The following BRD7 variants were observed in gnomAD, a reference collection of about 807,000 sequenced individuals.
The protein encoded by BRD7 is bromodomain containing 7, also known as bromodomain-containing protein 7.
In BRD7, 15 loss-of-function variants were observed where a neutral mutation model predicts 82.1. The ratio of observed to expected loss-of-function variants is 0.18; its 90% CI spans 0.12 to 0.28. The LOEUF (loss-of-function observed/expected upper bound fraction) is 0.28, where lower values mean the gene tolerates loss of function less well. BRD7 is among the 10% of genes least tolerant of loss of function. The pLI is 1.00. For synonymous variants in BRD7, 232 were observed against 266.9 expected (o/e 0.87, Z 1.27); for missense variants, 638 against 779.9 (o/e 0.82, Z 2.17).
At chr16:50,339,837 A>T in intron 6 of BRD7, 139 bp downstream of exon 6, 1 of 422,982 alleles carries the variant, frequency 2.4e-6, no homozygotes, top group Non-Finnish European at 4.1e-6. Flanking sequence ...TTTTTCATTT[A>T]GTATTTTCTA....
In BRD7 at chr16:50,333,546, G is replaced by GAGAAA. The variant is rs776960536; in HGVS notation, c.1011+23_1011+27dup. ...TTCAGATGCCCCAAATCAGTAGGTAGAGAAAAGAAAAGGCAAAGCTCAATC... is the reference window on the plus strand; with the variant it reads ...TTCAGATGCCCCAAATCAGTAGGTAGAGAAAAGAAAAGAAAAGGCAAAGCTCAATC... On this transcript the variant is annotated intron_variant, in intron 8 of 16. Transcript: ENST00000394688. The GAGAAA allele has an allele frequency of 2.1e-5, 34 of 1,601,238 alleles. No individual in the cohort carries two copies. The Admixed American group carries it at 6.0e-4, about 28-fold the overall frequency.
chr16:50,334,065 G>T (rs528021815), intron 7 of BRD7, among the ~76,000 whole-genome samples: 40 of 152,200 alleles, frequency 2.6e-4, no homozygotes, highest in Non-Finnish European at 5.6e-4. Flanking sequence ...GTAAATCTTA[G>T]AACAAAGAAA....
chr16:50,341,177 TACACACACACACACAC>T (rs57755008), intron 5 of BRD7, among the ~76,000 whole-genome samples: 59 of 137,302 alleles, frequency 4.3e-4, no homozygotes, highest in South Asian at 4.0e-3. Context: ...AGACCTTAAG[TACACACACACACACAC>T]ACACACACAC....
chr16:50,354,333 CG>C lies in BRD7; in HGVS notation c.446+91del, dbSNP rs2038650935. Reference sequence around the variant, plus strand: ...ATATTTATCATTCACTTTAAAATCACGTATGTTTGGAGTTAGGCACAAATGT... The same window carrying C: ...ATATTTATCATTCACTTTAAAATCACTATGTTTGGAGTTAGGCACAAATGT... On this transcript the variant is annotated intron_variant, in intron 4 of 16. Transcript: ENST00000394688. 2.8e-6 allele frequency: 3 copies of C among 1,055,258 alleles called. No individual in the cohort carries two copies. In the South Asian group the frequency reaches 4.3e-5, roughly 15 times the overall value. 65.4% of individuals were successfully genotyped at this position (1,055,258 alleles called of 1,614,324 possible). A position where few individuals can be genotyped will look rare whatever the true frequency, so the allele number is the denominator to read the frequency against.
intron 6 of BRD7, 54 bp from the exon 7 acceptor site, chr16:50,334,949 A>T: frequency 6.5e-7 from 1 of 1,532,920 alleles, no homozygotes; most frequent in Non-Finnish European, 8.8e-7. Context: ...CTTTTAAAGT[A>T]ATGCATTTTT....
chr16:50,354,554 T>C (rs2038660593), intron 3 of BRD7, 72 bp from the exon 4 acceptor site: 1 of 1,321,424 alleles, frequency 7.6e-7, no homozygotes, highest in African/African-American at 1.5e-5. Context: ...ACTAGATCAT[T>C]TTCTACAACC....
At chr16:50,320,438 A>G (rs2037047275) in intron 14 of BRD7, 47 bp from the exon 15 acceptor site, 1 of 1,595,342 alleles carries the variant, frequency 6.3e-7, no homozygotes, top group African/African-American at 1.4e-5. Flanking sequence ...CTTGTGCAGT[A>G]AACCGAATCC....
chr16:50,326,457 G>A (rs897446828), intron 9 of BRD7, 66 bp from the exon 10 acceptor site: 24 of 1,133,872 alleles, frequency 2.1e-5, no homozygotes, highest in Non-Finnish European at 2.6e-5. Flanking sequence ...GCCCTCTGCC[G>A]AGTGACTCCG....
intron 4 of BRD7, among the ~76,000 whole-genome samples, chr16:50,353,346 T>C (rs534020028): frequency 1.6e-4 from 24 of 152,158 alleles, no homozygotes; most frequent in Non-Finnish European, 3.5e-4. Context: ...ATTACAGGTG[T>C]GAGCTACTAT....
At chr16:50,359,401 T>C (rs1340549969) in intron 2 of BRD7, among the ~76,000 whole-genome samples, 1 of 152,244 alleles carries the variant, frequency 6.6e-6, no homozygotes, top group Non-Finnish European at 1.5e-5. Context: ...AAGGATTAAA[T>C]GTGATAGTTT....
chr16:50,337,860 C>A (rs1359134312), intron 6 of BRD7, among the ~76,000 whole-genome samples: 1 of 148,372 alleles, frequency 6.7e-6, no homozygotes, highest in Non-Finnish European at 1.5e-5. Context: ...GGTGGGGCTC[C>A]TCAACAGCAA....
At chr16:50,358,788 C>A (rs555596766) in intron 2 of BRD7, among the ~76,000 whole-genome samples, 6 of 151,934 alleles carry the variant, frequency 3.9e-5, no homozygotes, top group Non-Finnish European at 5.9e-5. Context: ...GCTAGGGAGT[C>A]CAAAAGAAAA....
chr16:50,368,201 G>C lies in BRD7; in HGVS notation c.147C>G (p.Phe49Leu), dbSNP rs145220538. The change falls in exon 2 of 17, where the codon TTC (phenylalanine) becomes TTG (leucine). Residue 49 changes from phenylalanine to leucine, a missense_variant. This residue lies in a region of BRD7 where 172 missense variants were observed against 155.3 expected (regional missense o/e 1.11). Coordinates refer to ENST00000394688, the MANE Select transcript of BRD7 (RefSeq NM_013263.5). ...TGSSGHDSSL[F>L]EDKNDHDKHK... ...GTTTGTCATGATCGTTTTTGTCTTC[G>C]AAGAGGCTGGAGTCGTGCCCCGAGC... The C allele has an allele frequency of 3.1e-3, 5,000 of 1,614,116 alleles. 12 individuals carry two copies. The highest frequency in any genetic ancestry group is 3.9e-3 in the Non-Finnish European group (4,599 of 1,180,030).
rs995163217 is a variant in BRD7, at chr16:50,318,369, G to C, written c.*842C>G. ...TGATTTATAGAAGGATTGTATAAGGGCCTTCAAACTTAATTTGTTCACTGA... is the reference window on the plus strand; with the variant it reads ...TGATTTATAGAAGGATTGTATAAGGCCCTTCAAACTTAATTTGTTCACTGA... On this transcript the variant is annotated 3_prime_UTR_variant, in exon 17 of 17. Coordinates refer to ENST00000394688, the MANE Select transcript of BRD7 (RefSeq NM_013263.5). 1 of 151,762 alleles carries C rather than the reference G, an allele frequency of 6.6e-6. No individual in the cohort carries two copies. Among genetic ancestry groups the C allele is most frequent in the Non-Finnish European group, 1.5e-5 (1 of 67,988 alleles). 9.4% of individuals were successfully genotyped at this position (151,762 alleles called of 1,614,324 possible).
intron 3 of BRD7, 89 bp from the exon 4 acceptor site, chr16:50,354,571 A>G: frequency 8.0e-7 from 1 of 1,245,598 alleles, no homozygotes; most frequent in Non-Finnish European, 1.1e-6. Flanking sequence ...AACCATTATT[A>G]AATATCTCAT....
chr16:50,340,069 C>T lies in BRD7; in HGVS notation c.609G>A (p.Met203Ile). 6.4e-7 allele frequency: 1 copy of T among 1,555,054 alleles called. No individual in the cohort carries two copies. The highest frequency in any genetic ancestry group is 1.2e-5 in the South Asian group (1 of 84,362). The part of the protein sequence containing the change: ...IEELKDNFKL[M>I]CTNAMIYNKP... ...TATTGTAAATCATGGCATTAGTACA[C>T]ATTAGTTTGAAGTTATCCTGCAGAA... The change falls in exon 6 of 17, where the codon ATG (methionine) becomes ATA (isoleucine). Residue 203 changes from methionine (M) to isoleucine (I), a missense_variant. Around this residue, in one of 3 missense-constraint regions of BRD7, gnomAD observed 64 missense variants for 123.8 expected, o/e 0.52. Coordinates refer to ENST00000394688, the MANE Select transcript of BRD7 (RefSeq NM_013263.5).
chr16:50,363,698 A>G (rs1034124617), intron 2 of BRD7, among the ~76,000 whole-genome samples: 4 of 151,496 alleles, frequency 2.6e-5, no homozygotes, highest in African/African-American at 9.7e-5. Context: ...CCCCAACTTT[A>G]TCTTATTTTC....
At chr16:50,354,733 C>T in intron 3 of BRD7, 60 bp downstream of exon 3, 1 of 1,556,476 alleles carries the variant, frequency 6.4e-7, no homozygotes, top group East Asian at 2.3e-5. Context: ...CCACCATTTT[C>T]CTGAGCTATA....
At chr16:50,345,797 T>TA (rs1240593975) in intron 5 of BRD7, among the ~76,000 whole-genome samples, 1 of 152,282 alleles carries the variant, frequency 6.6e-6, no homozygotes. Context: ...AAAAGAGACT[T>TA]AGACTCACAC....
Sources: gnomAD v4.1 joint callset for allele counts (sites outside exome capture counted in the v4.1 genomes callset) on GRCh38, gnomAD v4.1.1 for gene constraint, gnomAD v4.1.1 regional missense constraint, MANE v1.5 for transcripts, NCBI Gene and HGNC (gene_info 2026-07-23, HGNC 2026-07-21) for gene names.